Variants in PIK3C2G observed in about 807,000 individuals in gnomAD.
PIK3C2G encodes the protein phosphatidylinositol-4-phosphate 3-kinase catalytic subunit type 2 gamma.
Under a neutral mutation model 181.1 loss-of-function variants are expected in PIK3C2G, and 168 were observed. The observed-to-expected ratio is 0.93, with a 90% CI of 0.82 to 1.05. PIK3C2G has a LOEUF of 1.05. Among genes scored for constraint, PIK3C2G ranks in the 50% least tolerant of loss-of-function variants. The pLI is 0.00. For missense variants in PIK3C2G, 1,869 were observed against 1,732.8 expected (o/e 1.08, Z -1.40); for synonymous variants, 573 against 592.2 (o/e 0.97, Z 0.47).
At chr12:18,601,300 A>T (rs1009736402) in intron 30 of PIK3C2G, among the ~76,000 whole-genome samples, 6 of 152,012 alleles carry the variant, frequency 3.9e-5, no homozygotes, top group African/African-American at 1.4e-4. Flanking sequence ...AAAAAAAAAA[A>T]TCCTGTCATT....
chr12:18,315,134 T>A (rs12309706), intron 6 of PIK3C2G, among the ~76,000 whole-genome samples: 13,936 of 152,196 alleles, frequency 0.092, 1,710 homozygotes, highest in African/African-American at 0.28. Context: ...CCAGTGGATG[T>A]TTTCTTTTTT....
At chr12:18,700,570 G>C in the PIK3C2G span, among the ~76,000 whole-genome samples, 1 of 145,128 alleles carries the variant, frequency 6.9e-6, no homozygotes, top group Admixed American at 7.0e-5. Context: ...CATTCCACTG[G>C]ATTTGAAGCT....
intron 31 of PIK3C2G, among the ~76,000 whole-genome samples, chr12:18,624,693 T>C (rs1307419460): frequency 6.6e-6 from 1 of 151,676 alleles, no homozygotes; most frequent in Non-Finnish European, 1.5e-5. Flanking sequence ...GGAGAGACTT[T>C]TTATTACTGC....
chr12:18,263,938 T>G (rs907455992), intron 1 of PIK3C2G, among the ~76,000 whole-genome samples: 5 of 152,166 alleles, frequency 3.3e-5, no homozygotes, highest in African/African-American at 1.2e-4. Context: ...ACATTTATAT[T>G]TGTGCTTCAG....
At chr12:18,704,902 T>C in the PIK3C2G span, among the ~76,000 whole-genome samples, 1 of 152,110 alleles carries the variant, frequency 6.6e-6, no homozygotes, top group Non-Finnish European at 1.5e-5. Context: ...TTAATACTAA[T>C]TGCTTTGATA....
intron 18 of PIK3C2G, among the ~76,000 whole-genome samples, chr12:18,454,961 T>G (rs1209353733): frequency 6.6e-6 from 1 of 151,978 alleles, no homozygotes; most frequent in African/African-American, 2.4e-5. Flanking sequence ...TCCTCCAGGG[T>G]TTTTCTCTCA....
chr12:18,444,527 C>T (rs2135847889), intron 18 of PIK3C2G, among the ~76,000 whole-genome samples: 1 of 152,140 alleles, frequency 6.6e-6, no homozygotes, highest in Middle Eastern at 3.4e-3. Context: ...ATCTTAAATT[C>T]CCTGAAGTTC....
intron 18 of PIK3C2G, among the ~76,000 whole-genome samples, chr12:18,468,237 C>T (rs1938109740): frequency 6.6e-6 from 1 of 152,016 alleles, no homozygotes; most frequent in South Asian, 2.1e-4. Flanking sequence ...TGTTTACTCT[C>T]ACAAGAACTG....
the PIK3C2G span, among the ~76,000 whole-genome samples, chr12:18,671,515 C>T: frequency 6.6e-6 from 1 of 152,210 alleles, no homozygotes; most frequent in Admixed American, 6.5e-5. Flanking sequence ...ACAGCATTCA[C>T]TATGGAGGCA....
At chr12:18,724,334 G>C in the PIK3C2G span, among the ~76,000 whole-genome samples, 2 of 152,044 alleles carry the variant, frequency 1.3e-5, no homozygotes, top group Non-Finnish European at 2.9e-5. Context: ...ACAAATGAGA[G>C]AGATAACTCA....
chr12:18,393,975 T>C (rs765710286), intron 15 of PIK3C2G, among the ~76,000 whole-genome samples: 1 of 152,112 alleles, frequency 6.6e-6, no homozygotes, highest in Non-Finnish European at 1.5e-5. Flanking sequence ...TGGAGTCTTC[T>C]TAAATATTTG....
At chr12:18,643,536 C>T (rs73071871) in intron 32 of PIK3C2G, among the ~76,000 whole-genome samples, 11,774 of 151,654 alleles carry the variant, frequency 0.078, 756 homozygotes, top group African/African-American at 0.19. Flanking sequence ...AAGGCAACAA[C>T]GGTTAATTTA....
chr12:18,719,143 T>G, the PIK3C2G span, among the ~76,000 whole-genome samples: 1 of 152,110 alleles, frequency 6.6e-6, no homozygotes, highest in Non-Finnish European at 1.5e-5. Flanking sequence ...CTTTGAGAAG[T>G]GTCTAGGTTA....
chr12:18,665,328 G>T, the PIK3C2G span, among the ~76,000 whole-genome samples: 1 of 151,936 alleles, frequency 6.6e-6, no homozygotes, highest in Non-Finnish European at 1.5e-5. Flanking sequence ...TGTAGAATGA[G>T]AATGTATTTA....
chr12:18,303,103 T>TTTCTTTCC (rs1565575325), intron 5 of PIK3C2G, among the ~76,000 whole-genome samples: 7 of 86,314 alleles, frequency 8.1e-5, no homozygotes, highest in Admixed American at 2.6e-4. Flanking sequence ...TTTCTTTCTC[T>TTTCTTTCC]TTCTTTCTTT....
At chr12:18,443,148 G>A (rs925946277) in intron 18 of PIK3C2G, among the ~76,000 whole-genome samples, 2 of 152,178 alleles carry the variant, frequency 1.3e-5, no homozygotes, top group African/African-American at 4.8e-5. Flanking sequence ...TGGGATTACA[G>A]GCATGAGCCA....
At chr12:18,616,795 A>G (rs1948626765) in intron 31 of PIK3C2G, among the ~76,000 whole-genome samples, 1 of 152,166 alleles carries the variant, frequency 6.6e-6, no homozygotes, top group Non-Finnish European at 1.5e-5. Flanking sequence ...CCTAAAGAGA[A>G]TAGCAAAAAG....
intron 29 of PIK3C2G, among the ~76,000 whole-genome samples, chr12:18,592,237 T>C (rs572847328): frequency 6.6e-6 from 1 of 151,820 alleles, no homozygotes; most frequent in African/African-American, 2.4e-5. Context: ...AAAGGATACA[T>C]TAGAGTAATA....
At chr12:18,558,030 C>A (rs1366479005) in intron 26 of PIK3C2G, among the ~76,000 whole-genome samples, 5 of 152,038 alleles carry the variant, frequency 3.3e-5, no homozygotes, top group Admixed American at 1.3e-4. Flanking sequence ...ATTTAGGAGG[C>A]CAAAGGGCCT....
Sources: gnomAD v4.1 joint callset for allele counts (sites outside exome capture counted in the v4.1 genomes callset) on GRCh38, gnomAD v4.1.1 for gene constraint, MANE v1.5 for transcripts, NCBI Gene and HGNC (gene_info 2026-07-23, HGNC 2026-07-21) for gene names.